NT5E: variants seen among roughly 807,000 people sequenced by gnomAD.
NT5E encodes 5'-nucleotidase ecto, also known as 5'-nucleotidase.
In NT5E, 53 loss-of-function variants were observed where a neutral mutation model predicts 55.1. The observed-to-expected ratio is 0.96, with a 90% CI of 0.77 to 1.21. The LOEUF is 1.21. NT5E is among the 50% of genes most tolerant of loss of function. The probability of loss-of-function intolerance (pLI) is 0.00; values close to 1 mark genes in which losing one functional copy is unlikely to be tolerated. For synonymous variants in NT5E, 270 were observed against 278.4 expected (o/e 0.97, Z 0.30); for missense variants, 683 against 724.3 (o/e 0.94, Z 0.65).
rs1357657595 is a variant in NT5E, at chr6:85,485,376, G to A, written c.893G>A (p.Gly298Glu). The A allele has an allele frequency of 1.9e-6, 3 of 1,614,070 alleles. No individual in the cohort carries two copies. The highest frequency in any genetic ancestry group is 2.7e-5 in the African/African-American group (2 of 74,926). Residue 298 changes from glycine to glutamate, a missense_variant, in exon 4 of 9, where the codon GGA becomes GAA. Coordinates refer to ENST00000257770, the MANE Select transcript of NT5E (RefSeq NM_002526.4). ...GYLKIEFDER[G>E]NVISSHGNPI... ...CTGAAGATCGAGTTTGATGAAAGAG[G>A]AAACGTCATCTCTTCCCATGGAAAT...
chr6:85,480,174 GCCCAGCC>G (rs1769516537), intron 3 of NT5E, among the ~76,000 whole-genome samples: 1 of 152,150 alleles, frequency 6.6e-6, no homozygotes, highest in Non-Finnish European at 1.5e-5. Flanking sequence ...TCCCTGCTTT[GCCCAGCC>G]TATCAGGCTT....
At chr6:85,488,885 T>G (rs1769723777) in intron 5 of NT5E, among the ~76,000 whole-genome samples, 1 of 151,700 alleles carries the variant, frequency 6.6e-6, no homozygotes, top group Admixed American at 6.6e-5. Context: ...CCTGGCCTTT[T>G]TTTTTTTTTT....
rs375481678 is a variant in NT5E, at chr6:85,450,465, G to T, written c.326G>T (p.Arg109Leu). 7.5e-6 allele frequency: 12 copies of T among 1,594,988 alleles called. No homozygotes were observed. The highest frequency in any genetic ancestry group is 2.7e-5 in the African/African-American group (2 of 74,792). ...AEVAHFMNAL[R>L]YDAMALGNHE... ...GTGGCGCACTTCATGAACGCCCTGCGCTACGATGCCATGGTAAGACCCGAG... is the reference window on the plus strand; with the variant it reads ...GTGGCGCACTTCATGAACGCCCTGCTCTACGATGCCATGGTAAGACCCGAG... The change falls in exon 1 of 9, where the codon CGC (arginine) becomes CTC (leucine). Residue 109 changes from arginine (R) to leucine (L), a missense_variant. Coordinates refer to ENST00000257770, the MANE Select transcript of NT5E (RefSeq NM_002526.4). This position sits in a 1 kb window ranked among gnomAD's most constrained non-coding sequence, Gnocchi z 4.0.
At chr6:85,454,715 A>G (rs1302853635) in intron 1 of NT5E, among the ~76,000 whole-genome samples, 3 of 152,170 alleles carry the variant, frequency 2.0e-5, no homozygotes, top group Admixed American at 2.0e-4. Context: ...AGTTTGCCTA[A>G]TAGTTTGCTA....
At chr6:85,492,444 CTATT>C (rs1264670459) in intron 8 of NT5E, among the ~76,000 whole-genome samples, 1 of 152,196 alleles carries the variant, frequency 6.6e-6, no homozygotes, top group Non-Finnish European at 1.5e-5. Context: ...ATCTAAGCAG[CTATT>C]TAAATTGTGA....
intron 5 of NT5E, among the ~76,000 whole-genome samples, chr6:85,488,263 G>C (rs1334361526): frequency 1.3e-5 from 2 of 152,154 alleles, no homozygotes; most frequent in African/African-American, 2.4e-5. Context: ...ACTTCCATGG[G>C]CTCACAGCCT....
chr6:85,467,323 T>A (rs1769217361), intron 2 of NT5E, 41 bp downstream of exon 2: 3 of 1,512,962 alleles, frequency 2.0e-6, no homozygotes, highest in Non-Finnish European at 2.8e-6. Context: ...TGAAAATAGA[T>A]GCCCTAAATC....
intron 1 of NT5E, among the ~76,000 whole-genome samples, chr6:85,464,221 A>G (rs1342770133): frequency 2.6e-5 from 4 of 152,082 alleles, no homozygotes; most frequent in Non-Finnish European, 5.9e-5. Context: ...TCAACAGTTC[A>G]TTTAACTTCT....
intron 1 of NT5E, among the ~76,000 whole-genome samples, chr6:85,451,397 C>T (rs1015407304): frequency 2.6e-5 from 4 of 151,974 alleles, no homozygotes; most frequent in African/African-American, 9.7e-5. Context: ...TTCAAAGTCC[C>T]AAATGTTAGG....
At chr6:85,453,104 A>G (rs1768921271) in intron 1 of NT5E, among the ~76,000 whole-genome samples, 2 of 152,136 alleles carry the variant, frequency 1.3e-5, no homozygotes, top group Admixed American at 1.3e-4. Context: ...ACCCCCTGGA[A>G]CCACTACTAG....
At position 85,491,719 on chromosome 6, in the gene NT5E, G is replaced by A. The variant is rs554747230; in HGVS notation, c.1361-258G>A. Among the ~76,000 whole-genome samples, 19 of 152,330 alleles carry A rather than the reference G, an allele frequency of 1.2e-4. 1 individual carries two copies. The South Asian group carries it at 3.9e-3, about 32-fold the overall frequency. ...TAAGGGAAAAACAGAAAAAGATGTG[G>A]TTTTGTCCATGTAGAGTCACCCTTT... On this transcript the variant is annotated intron_variant, in intron 7 of 8. Coordinates refer to ENST00000257770, the MANE Select transcript of NT5E (RefSeq NM_002526.4).
intron 6 of NT5E, among the ~76,000 whole-genome samples, chr6:85,489,959 C>A (rs1242212858): frequency 6.6e-6 from 1 of 152,180 alleles, no homozygotes; most frequent in East Asian, 1.9e-4. Flanking sequence ...ACAAAATCAC[C>A]AATCTTCTGT....
intron 4 of NT5E, 78 bp from the exon 5 acceptor site, chr6:85,487,257 G>T: frequency 7.9e-7 from 1 of 1,267,488 alleles, no homozygotes; most frequent in East Asian, 2.3e-5. Flanking sequence ...AAGTAAGATA[G>T]ATGATGTTTC....
intron 2 of NT5E, among the ~76,000 whole-genome samples, chr6:85,470,047 C>T (rs1769272542): frequency 6.6e-6 from 1 of 152,212 alleles, no homozygotes; most frequent in Non-Finnish European, 1.5e-5. Context: ...TTCTCCCACC[C>T]TCCTTCCCTT....
In NT5E at chr6:85,493,912, CG is replaced by C. The variant is rs1562147368; in HGVS notation, c.1635del (p.Ile546SerfsTer15). On this transcript the variant is annotated frameshift_variant, in exon 9 of 9. Coordinates refer to ENST00000257770, the MANE Select transcript of NT5E (RefSeq NM_002526.4). LOFTEE classifies it high-confidence loss of function. ...MKVIYPAVEGRIKFSTGSHCH... is the reference protein window; with the variant it reads ...MKVIYPAVEGXIKFSTGSHCH... ...AGTAATTTATCCAGCAGTTGAAGGT[CG>C]GATCAAGTTTTCCACAGGAAGTCAC... The C allele has an allele frequency of 6.2e-7, 1 of 1,613,850 alleles. No individual in the cohort carries two copies. The highest frequency in any genetic ancestry group is 1.3e-5 in the African/African-American group (1 of 74,916).
At position 85,463,318 on chromosome 6, in the gene NT5E, G is replaced by T. The variant is rs190737912; in HGVS notation, c.340-3742G>T. On this transcript the variant is annotated intron_variant, in intron 1 of 8. Transcript: ENST00000257770. ...GAATTAGTGAAGGAATAGGGTTCGT[G>T]AATGAATGAGCTCAATCTTAGTAAT... is the stretch of plus-strand genomic sequence containing the variant. 2.6e-3 allele frequency among the ~76,000 whole-genome samples: 396 copies of T among 152,262 alleles called. 2 individuals are homozygous for T. The Middle Eastern group carries it at 0.027, about 10-fold the overall frequency.
intron 8 of NT5E, among the ~76,000 whole-genome samples, chr6:85,492,985 C>T (rs6902904): frequency 0.11 from 16,731 of 152,042 alleles, 1,324 homozygotes; most frequent in African/African-American, 0.23. Context: ...CTGTCCCTTC[C>T]GTGACAGAAG....
At position 85,490,554 on chromosome 6, in the gene NT5E, C is replaced by A. The variant is rs774548595; in HGVS notation, c.1257C>A (p.Gly419=). 24 of 1,614,078 alleles carry A rather than the reference C, an allele frequency of 1.5e-5. No homozygotes were observed. The East Asian group carries it at 5.1e-4, about 34-fold the overall frequency. Reference sequence around the variant, plus strand: ...TGGCTGCTGTATTGCCCTTTGGAGGCACATTTGACCTAGTCCAGTTAAAAG... The same window carrying A: ...TGGCTGCTGTATTGCCCTTTGGAGGAACATTTGACCTAGTCCAGTTAAAAG... The part of the protein sequence containing the change: ...ENLAAVLPFG[G]TFDLVQLKGS... Residue 419 remains glycine, a synonymous_variant, in exon 7 of 9, where the codon GGC becomes GGA. Transcript: ENST00000257770.
intron 3 of NT5E, among the ~76,000 whole-genome samples, chr6:85,478,924 T>G (rs1329820832): frequency 6.6e-6 from 1 of 152,034 alleles, no homozygotes; most frequent in African/African-American, 2.4e-5. Context: ...TACAGGTATT[T>G]CACTGAACAA....
Sources: gnomAD v4.1 joint callset for allele counts (sites outside exome capture counted in the v4.1 genomes callset) on GRCh38, gnomAD v4.1.1 for gene constraint, Gnocchi (gnomAD v3.1) non-coding constraint, MANE v1.5 for transcripts, NCBI Gene and HGNC (gene_info 2026-07-23, HGNC 2026-07-21) for gene names.